The following EEA1 variants were observed in gnomAD, a reference collection of about 807,000 sequenced individuals.
EEA1 encodes the protein early endosome antigen 1, also known as early endosome antigen 1, 162kD.
EEA1 carries 111 observed loss-of-function variants against 209.2 expected under a neutral mutation model. The ratio of observed to expected loss-of-function variants is 0.53; its 90% CI spans 0.45 to 0.62. The LOEUF is 0.62. Ranked by LOEUF, EEA1 falls within the 20% of genes least tolerant of loss-of-function variation. The probability of loss-of-function intolerance (pLI) is 0.00; values close to 1 mark genes in which losing one functional copy is unlikely to be tolerated. For missense variants in EEA1, 1,343 were observed against 1,530.8 expected, an observed-to-expected ratio of 0.88 and a Z score of 2.05; for synonymous variants, 536 against 540.6, an observed-to-expected ratio of 0.99 and a Z score of 0.12.
intron 21 of EEA1, among the ~76,000 whole-genome samples, chr12:92,793,758 C>T (rs1445119695): frequency 6.6e-6 from 1 of 152,130 alleles, no homozygotes; most frequent in African/African-American, 2.4e-5. Flanking sequence ...CAATGACTTT[C>T]TTCATAGAAT....
chr12:92,777,855 T>C, intron 26 of EEA1, 86 bp downstream of exon 26: 2 of 1,403,462 alleles, frequency 1.4e-6, no homozygotes, highest in Non-Finnish European at 1.9e-6. Flanking sequence ...TTTCTCAAGA[T>C]TCTTCTATTT....
At chr12:92,866,117 G>T (rs796884547) in intron 2 of EEA1, among the ~76,000 whole-genome samples, 6 of 146,720 alleles carry the variant, frequency 4.1e-5, no homozygotes, top group African/African-American at 1.5e-4. Context: ...GCTTGAACCT[G>T]GGAGGTGGAG....
rs1001761800 is a variant in EEA1, at chr12:92,816,920, G to C, written c.1729-520C>G. Among the ~76,000 whole-genome samples, 25 of 151,206 alleles carry C rather than the reference G, an allele frequency of 1.7e-4. 1 individual carries two copies. The highest frequency in any genetic ancestry group is 6.2e-4 in the African/African-American group (25 of 40,616). ...TGTTACGGCTTTTATTTTCATAATG[G>C]TATCTTTTGAAAAGCATACTTTTTT... is the stretch of plus-strand genomic sequence containing the variant. On this transcript the variant is annotated intron_variant, in intron 14 of 28. Transcript: ENST00000322349.
At chr12:92,776,784 CATTA>C in intron 28 of EEA1, 56 bp downstream of exon 28, 3 of 1,464,752 alleles carry the variant, frequency 2.0e-6, no homozygotes, top group Non-Finnish European at 1.9e-6. Flanking sequence ...ATGGTTAAAA[CATTA>C]ATTATCAGTG....
In EEA1 at chr12:92,842,625, T is replaced by C. The variant is rs752235018; in HGVS notation, c.799-44A>G. 92 of 1,170,262 alleles carry C rather than the reference T, an allele frequency of 7.9e-5. No individual in the cohort carries two copies. In the Admixed American group the frequency reaches 2.0e-3, roughly 25 times the overall value. 72.5% of individuals were successfully genotyped at this position (1,170,262 alleles called of 1,614,324 possible). Reference sequence around the variant, plus strand: ...ACAAAAATTAAAGCAAACTAAATTGTCTAAAAGATAAAAAAAATGAAAGTA... The same window carrying C: ...ACAAAAATTAAAGCAAACTAAATTGCCTAAAAGATAAAAAAAATGAAAGTA... On this transcript the variant is annotated intron_variant, in intron 9 of 28. Transcript: ENST00000322349.
intron 10 of EEA1, among the ~76,000 whole-genome samples, chr12:92,836,581 G>T (rs1481006876): frequency 6.6e-6 from 1 of 152,098 alleles, no homozygotes; most frequent in Admixed American, 6.6e-5. Context: ...TTTGTAGCTC[G>T]CCAACGTCTC....
chr12:92,858,891 T>C (rs528693634), intron 3 of EEA1: 11 of 716,636 alleles, frequency 1.5e-5, no homozygotes, highest in Non-Finnish European at 1.8e-5. Flanking sequence ...AAAACCATTA[T>C]GGACACTTAC....
chr12:92,898,947 C>A, intron 1 of EEA1, among the ~76,000 whole-genome samples: 1 of 131,332 alleles, frequency 7.6e-6, no homozygotes, highest in Admixed American at 7.4e-5. Context: ...GTATCTTACT[C>A]ATGAGTGAAA....
chr12:92,929,230 A>G lies in EEA1; in HGVS notation c.-164T>C. On this transcript the variant is annotated 5_prime_UTR_variant, in exon 1 of 29. Coordinates refer to ENST00000322349, the MANE Select transcript of EEA1 (RefSeq NM_003566.4). ...CCGCTCGGGCGGCCCCGACTTCCCC[A>G]CAGGCGGCGAGAGGGAGCACGCGAG... 2.0e-6 allele frequency: 1 copy of G among 511,154 alleles called. No homozygotes were observed. The highest frequency in any genetic ancestry group is 4.6e-5 in the East Asian group (1 of 21,762). 31.7% of individuals were successfully genotyped at this position (511,154 alleles called of 1,614,324 possible). A position where few individuals can be genotyped will look rare whatever the true frequency, so the allele number is the denominator to read the frequency against.
chr12:92,890,611 G>A (rs1414764341), intron 2 of EEA1, among the ~76,000 whole-genome samples: 1 of 152,108 alleles, frequency 6.6e-6, no homozygotes, highest in Non-Finnish European at 1.5e-5. Context: ...GTGTTGTTCT[G>A]ATTGAGGTCA....
intron 1 of EEA1, 82 bp downstream of exon 1, chr12:92,928,961 T>C: frequency 6.9e-7 from 1 of 1,443,716 alleles, no homozygotes; most frequent in Non-Finnish European, 9.4e-7. Flanking sequence ...GAGCCCGCGC[T>C]GAGGAGGGGC....
intron 3 of EEA1, 118 bp downstream of exon 3, chr12:92,864,742 A>G: frequency 3.0e-6 from 3 of 1,014,858 alleles, no homozygotes; most frequent in Non-Finnish European, 4.0e-6. Flanking sequence ...AAATGATGAC[A>G]GATTTAAATT....
chr12:92,905,219 A>C (rs958621409), intron 1 of EEA1, among the ~76,000 whole-genome samples: 4 of 152,166 alleles, frequency 2.6e-5, no homozygotes, highest in African/African-American at 9.7e-5. Flanking sequence ...AAAAAGACCA[A>C]ATATATATTT....
chr12:92,794,497 T>C (rs982978305), intron 21 of EEA1, among the ~76,000 whole-genome samples: 2 of 151,968 alleles, frequency 1.3e-5, no homozygotes, highest in East Asian at 1.9e-4. Context: ...CCATCGATGA[T>C]AGACTGGATA....
chr12:92,834,199 T>A lies in EEA1; in HGVS notation c.916-1349A>T, dbSNP rs920135270. Among the ~76,000 whole-genome samples, 3 of 152,120 alleles carry A rather than the reference T, an allele frequency of 2.0e-5. No homozygotes were observed. In the East Asian group the frequency reaches 5.8e-4, roughly 29 times the overall value. ...AGAAAAAGTAAGCTAATGTTACTTA[T>A]CAAACAGAAATATACTATGGAAAAG... On this transcript the variant is annotated intron_variant, in intron 10 of 28. Transcript: ENST00000322349.
chr12:92,851,040 C>T, intron 9 of EEA1, 71 bp downstream of exon 9: 1 of 1,411,614 alleles, frequency 7.1e-7, no homozygotes, highest in Non-Finnish European at 9.4e-7. Flanking sequence ...ATCTCAAATC[C>T]TGGCTTCACT....
At chr12:92,906,215 C>T (rs571425676) in intron 1 of EEA1, among the ~76,000 whole-genome samples, 50 of 152,104 alleles carry the variant, frequency 3.3e-4, no homozygotes, top group Non-Finnish European at 6.0e-4. Flanking sequence ...CCTCAGCATC[C>T]TGAGTAGCTG....
chr12:92,780,618 G>T (rs1468691021), intron 23 of EEA1, among the ~76,000 whole-genome samples: 1 of 152,044 alleles, frequency 6.6e-6, no homozygotes, highest in East Asian at 1.9e-4. Context: ...AGATTAAATA[G>T]TTATAGTTAA....
intron 9 of EEA1, among the ~76,000 whole-genome samples, chr12:92,849,230 TTAAGA>T (rs1164305678): frequency 6.6e-6 from 1 of 152,178 alleles, no homozygotes; most frequent in African/African-American, 2.4e-5. Flanking sequence ...CAAATAGCAT[TTAAGA>T]TATTTTTTAA....
Sources: gnomAD v4.1 joint callset for allele counts (sites outside exome capture counted in the v4.1 genomes callset) on GRCh38, gnomAD v4.1.1 for gene constraint, MANE v1.5 for transcripts, NCBI Gene and HGNC (gene_info 2026-07-23, HGNC 2026-07-21) for gene names.